The following DLG2 variants were observed in gnomAD, a reference collection of about 807,000 sequenced individuals.
DLG2 encodes the protein discs large MAGUK scaffold protein 2, also known as disks large homolog 2.
A neutral mutation model predicts 132.5 loss-of-function variants in DLG2; 45 were observed. The ratio of observed to expected loss-of-function variants is 0.34; its 90% CI spans 0.27 to 0.44. The LOEUF (loss-of-function observed/expected upper bound fraction) is 0.44. Among genes scored for constraint, DLG2 ranks in the 20% least tolerant of loss-of-function variants. The pLI is 1.00. For missense variants in DLG2, 1,045 were observed against 1,196.9 expected (o/e 0.87, Z 1.87); for synonymous variants, 424 against 419.6 (o/e 1.01, Z -0.13).
chr11:84,842,515 T>C (rs1296388338), intron 6 of DLG2, among the ~76,000 whole-genome samples: 3 of 151,792 alleles, frequency 2.0e-5, no homozygotes, highest in Non-Finnish European at 4.4e-5. Context: ...ACAAGCAGGG[T>C]AGAAAAAATC....
chr11:83,878,436 C>T (rs1256879624), intron 15 of DLG2, among the ~76,000 whole-genome samples: 1 of 152,088 alleles, frequency 6.6e-6, no homozygotes, highest in Non-Finnish European at 1.5e-5. Context: ...TGAGACAAAC[C>T]ATATTGTTTT....
chr11:84,359,952 C>G (rs2154419622), intron 7 of DLG2, among the ~76,000 whole-genome samples: 1 of 151,814 alleles, frequency 6.6e-6, no homozygotes, highest in East Asian at 1.9e-4. Context: ...ATTCTTAAGA[C>G]TAGAGAAAAA....
At chr11:85,351,041 G>A (rs2083251173) in intron 3 of DLG2, among the ~76,000 whole-genome samples, 1 of 152,184 alleles carries the variant, frequency 6.6e-6, no homozygotes, top group East Asian at 1.9e-4. Flanking sequence ...CTATCCATGA[G>A]GATGGAATTT....
chr11:84,224,548 G>A (rs897188022), intron 8 of DLG2, among the ~76,000 whole-genome samples: 3 of 152,076 alleles, frequency 2.0e-5, no homozygotes, highest in African/African-American at 7.2e-5. Context: ...TATGTGCCAG[G>A]CACTTTTCTC....
intron 6 of DLG2, among the ~76,000 whole-genome samples, chr11:84,934,500 G>T: frequency 9.6e-6 from 1 of 104,008 alleles, no homozygotes; most frequent in African/African-American, 4.3e-5. Context: ...GTATGGTCCT[G>T]GGTGTTTTTT....
At chr11:83,840,575 G>C (rs984170484) in intron 16 of DLG2, among the ~76,000 whole-genome samples, 7 of 152,108 alleles carry the variant, frequency 4.6e-5, no homozygotes, top group Admixed American at 1.3e-4. Flanking sequence ...CTCAACTCTG[G>C]ACAATCGCTC....
intron 15 of DLG2, among the ~76,000 whole-genome samples, chr11:83,880,636 T>C (rs1013104573): frequency 6.6e-6 from 1 of 152,140 alleles, no homozygotes; most frequent in Non-Finnish European, 1.5e-5. Flanking sequence ...GAAGAATGAA[T>C]GGAGAATTCC....
At chr11:85,432,959 CA>C (rs2091275711) in intron 3 of DLG2, among the ~76,000 whole-genome samples, 1 of 152,188 alleles carries the variant, frequency 6.6e-6, no homozygotes. Context: ...ATCAGACTAA[CA>C]GAAGATTTCT....
intron 4 of DLG2, among the ~76,000 whole-genome samples, chr11:85,237,781 T>A (rs1412197658): frequency 6.6e-6 from 1 of 152,080 alleles, no homozygotes; most frequent in East Asian, 1.9e-4. Context: ...GCAAGGTGCT[T>A]TCTGACTTTG....
intron 9 of DLG2, among the ~76,000 whole-genome samples, chr11:84,143,798 G>GGAAGCAGGGA (rs2094956067): frequency 6.6e-6 from 1 of 152,102 alleles, no homozygotes; most frequent in Admixed American, 6.6e-5. Context: ...CATTGTAGGA[G>GGAAGCAGGGA]GAAGCAGGGA....
At chr11:84,938,953 A>C (rs755470938) in intron 6 of DLG2, among the ~76,000 whole-genome samples, 1 of 152,198 alleles carries the variant, frequency 6.6e-6, no homozygotes, top group Non-Finnish European at 1.5e-5. Context: ...AGCACATTCA[A>C]AATTATAGTT....
chr11:84,539,740 C>T (rs910011799), intron 6 of DLG2, among the ~76,000 whole-genome samples: 2 of 152,184 alleles, frequency 1.3e-5, no homozygotes, highest in African/African-American at 2.4e-5. Context: ...GAGGAGCCCA[C>T]ATTGCCAAGA....
intron 18 of DLG2, among the ~76,000 whole-genome samples, chr11:83,686,363 G>C (rs2079764229): frequency 6.6e-6 from 1 of 151,862 alleles, no homozygotes; most frequent in Admixed American, 6.6e-5. Context: ...AAAATTTATA[G>C]TACTTATCTC....
At chr11:84,951,328 T>A (rs2050883956) in intron 6 of DLG2, among the ~76,000 whole-genome samples, 1 of 152,186 alleles carries the variant, frequency 6.6e-6, no homozygotes, top group African/African-American at 2.4e-5. Flanking sequence ...TGATACATTG[T>A]ATTAAAAATA....
intron 6 of DLG2, among the ~76,000 whole-genome samples, chr11:84,709,539 A>C (rs1371756782): frequency 1.3e-5 from 2 of 151,982 alleles, no homozygotes; most frequent in African/African-American, 4.8e-5. Flanking sequence ...TAGAGCTCAG[A>C]GAAGTGAAAG....
At chr11:83,587,907 C>T (rs1380305644) in intron 19 of DLG2, among the ~76,000 whole-genome samples, 1 of 152,212 alleles carries the variant, frequency 6.6e-6, no homozygotes, top group Non-Finnish European at 1.5e-5. Flanking sequence ...TCAGGTCACT[C>T]CCACCTGAAT....
At chr11:85,494,186 T>C (rs561574405) in intron 3 of DLG2, among the ~76,000 whole-genome samples, 6 of 152,340 alleles carry the variant, frequency 3.9e-5, no homozygotes, top group African/African-American at 7.2e-5. Context: ...TCAACATGAC[T>C]GTTGGAGGGA....
chr11:84,452,857 T>C (rs1205478731), intron 7 of DLG2, among the ~76,000 whole-genome samples: 3 of 151,688 alleles, frequency 2.0e-5, no homozygotes, highest in African/African-American at 7.3e-5. Flanking sequence ...GTTCAGCCTC[T>C]ACAATGTAGC....
At chr11:85,354,538 A>G (rs181504615) in intron 3 of DLG2, among the ~76,000 whole-genome samples, 1 of 152,090 alleles carries the variant, frequency 6.6e-6, no homozygotes, top group African/African-American at 2.4e-5. Flanking sequence ...TATCTCATGA[A>G]GGAGCCAATA....
Sources: gnomAD v4.1 joint callset for allele counts (sites outside exome capture counted in the v4.1 genomes callset) on GRCh38, gnomAD v4.1.1 for gene constraint, MANE v1.5 for transcripts, NCBI Gene and HGNC (gene_info 2026-07-23, HGNC 2026-07-21) for gene names.